C11orf65: variants seen among roughly 807,000 people sequenced by gnomAD.
The protein encoded by C11orf65 is protein MFI.
Under a neutral mutation model 35.3 loss-of-function variants are expected in C11orf65, and 38 were observed. That is an observed-to-expected ratio of 1.08 (90% CI 0.83 to 1.41). The LOEUF is 1.41. Among genes scored for constraint, C11orf65 ranks in the 40% most tolerant of loss-of-function variants. C11orf65 has a pLI of 0.00. For missense variants in C11orf65, 370 were observed against 367.1 expected, an observed-to-expected ratio of 1.01 and a Z score of -0.06; for synonymous variants, 105 against 114.4, an observed-to-expected ratio of 0.92 and a Z score of 0.53.
At chr11:108,459,655 GA>G (rs1379047945) in intron 2 of C11orf65, among the ~76,000 whole-genome samples, 1 of 150,580 alleles carries the variant, frequency 6.6e-6, no homozygotes, top group Non-Finnish European at 1.5e-5. Flanking sequence ...CTTTGTTATG[GA>G]TTAACCTTCT....
intron 6 of C11orf65, among the ~76,000 whole-genome samples, chr11:108,394,493 T>C (rs1421933491): frequency 6.6e-6 from 1 of 152,220 alleles, no homozygotes; most frequent in Non-Finnish European, 1.5e-5. Context: ...AGTTTTAAAT[T>C]CAGCCTCCTT....
intron 2 of C11orf65, among the ~76,000 whole-genome samples, chr11:108,375,103 C>T (rs1319511785): frequency 6.6e-6 from 1 of 152,116 alleles, no homozygotes; most frequent in Non-Finnish European, 1.5e-5. Context: ...TCTAGCAAGG[C>T]AGGCCAACGT....
chr11:108,311,488 G>A (rs1021950271), intron 6 of C11orf65, among the ~76,000 whole-genome samples: 53 of 152,254 alleles, frequency 3.5e-4, no homozygotes, highest in Non-Finnish European at 6.2e-4. Flanking sequence ...TTGTGACCAG[G>A]AGACTGAGAC....
At chr11:108,426,044 C>A (rs1325616711) in intron 3 of C11orf65, among the ~76,000 whole-genome samples, 2 of 152,138 alleles carry the variant, frequency 1.3e-5, no homozygotes, top group African/African-American at 4.8e-5. Flanking sequence ...CAATACCATA[C>A]TGAATGGGCA....
chr11:108,385,994 G>A lies in C11orf65; in HGVS notation c.732-19C>T. The A allele has an allele frequency of 6.2e-7, 1 of 1,602,628 alleles. No homozygotes were observed. The highest frequency in any genetic ancestry group is 8.5e-7 in the Non-Finnish European group (1 of 1,172,124). On this transcript the variant is annotated intron_variant, in intron 7 of 8. Transcript: ENST00000393084. ...AATGTACCTAAGCACATTATATGAGGATTCATTAAATTTAATCGATTCATT... is the reference window on the plus strand; with the variant it reads ...AATGTACCTAAGCACATTATATGAGAATTCATTAAATTTAATCGATTCATT...
At chr11:108,421,850 G>A (rs1338886619) in intron 3 of C11orf65, among the ~76,000 whole-genome samples, 12 of 152,154 alleles carry the variant, frequency 7.9e-5, no homozygotes, top group Non-Finnish European at 1.8e-4. Context: ...AAGTTTAGTA[G>A]CCTTTTTCTC....
chr11:108,329,417 T>C, downstream of C11orf65: 3 of 625,570 alleles, frequency 4.8e-6, no homozygotes, highest in Middle Eastern at 4.4e-4. Flanking sequence ...TTTTTTGTTT[T>C]TTTTTTTGAG....
rs368627124 is a variant in C11orf65, at chr11:108,353,891, T to C, written c.227-18599A>G. On this transcript the variant is annotated intron_variant, in intron 2 of 3. Transcript: ENST00000524755. ...AGGTGTCTTCAGAAGGTAAGTGATATGAAGTAAAGGAGGGAAATAATTTTT... is the reference window on the plus strand; with the variant it reads ...AGGTGTCTTCAGAAGGTAAGTGATACGAAGTAAAGGAGGGAAATAATTTTT... The C allele has an allele frequency of 5.0e-6, 8 of 1,602,268 alleles. No homozygotes were observed. Among genetic ancestry groups the C allele is most frequent in the African/African-American group, 2.7e-5 (2 of 74,562 alleles).
chr11:108,446,943 C>A (rs1309817531), intron 2 of C11orf65, among the ~76,000 whole-genome samples: 1 of 151,880 alleles, frequency 6.6e-6, no homozygotes, highest in East Asian at 1.9e-4. Flanking sequence ...GGAAGATCTG[C>A]CAAGCAAATG....
chr11:108,337,577 T>C (rs1260903747), intron 2 of C11orf65, among the ~76,000 whole-genome samples: 1 of 152,220 alleles, frequency 6.6e-6, no homozygotes, highest in Non-Finnish European at 1.5e-5. Flanking sequence ...ATACCAGTTA[T>C]GTTGATGCTG....
chr11:108,385,143 G>C (rs2091960792), intron 8 of C11orf65, among the ~76,000 whole-genome samples: 1 of 151,902 alleles, frequency 6.6e-6, no homozygotes, highest in Admixed American at 6.6e-5. Context: ...GTGCAATCTT[G>C]GCTCACTGCA....
intron 8 of C11orf65, among the ~76,000 whole-genome samples, chr11:108,383,785 T>G (rs555285819): frequency 6.6e-6 from 1 of 152,296 alleles, no homozygotes; most frequent in South Asian, 2.1e-4. Flanking sequence ...AATTTTCACT[T>G]GCTTTTATGC....
intron 2 of C11orf65, among the ~76,000 whole-genome samples, chr11:108,439,761 G>T (rs552521597): frequency 1.8e-4 from 27 of 152,190 alleles, no homozygotes; most frequent in African/African-American, 6.0e-4. Flanking sequence ...ACCTAAAATA[G>T]GAAAATTCAC....
intron 7 of C11orf65, 83 bp downstream of exon 7, chr11:108,393,125 A>T: frequency 7.1e-7 from 1 of 1,406,920 alleles, no homozygotes; most frequent in Non-Finnish European, 9.6e-7. Context: ...TTGTGGCCCC[A>T]AGATTCAACA....
Position 108,407,948 on chromosome 11 carries a change from A to G in C11orf65, c.175-799T>C, listed in dbSNP as rs9734602. On this transcript the variant is annotated intron_variant, in intron 3 of 8. Coordinates refer to ENST00000393084, the MANE Select transcript of C11orf65 (RefSeq NM_152587.5). Reference sequence around the variant, plus strand: ...CTCTGTCTCAAAAAAAAAAAAAAAAAAAAAGAAAAGAAAAGAAAATATTTT... The same window carrying G: ...CTCTGTCTCAAAAAAAAAAAAAAAAGAAAAGAAAAGAAAAGAAAATATTTT... Among the ~76,000 whole-genome samples, 51 of 114,762 alleles carry G rather than the reference A, an allele frequency of 4.4e-4. 1 individual carries two copies. Among genetic ancestry groups the G allele is most frequent in the East Asian group, 1.7e-3 (7 of 4,238 alleles). 75.3% of individuals were successfully genotyped at this position (114,762 alleles called of 152,430 possible). A position where few individuals can be genotyped will look rare whatever the true frequency, so the allele number is the denominator to read the frequency against.
chr11:108,318,159 T>TG, intron 6 of C11orf65, among the ~76,000 whole-genome samples: 1 of 152,102 alleles, frequency 6.6e-6, no homozygotes, highest in East Asian at 1.9e-4. Flanking sequence ...CTCAGGAGTT[T>TG]GAGACCAGCC....
chr11:108,396,011 G>A (rs2138474916), intron 6 of C11orf65, among the ~76,000 whole-genome samples: 2 of 152,268 alleles, frequency 1.3e-5, no homozygotes, highest in Middle Eastern at 3.4e-3. Context: ...AGCATTCATA[G>A]GCTGACACTG....
intron 2 of C11orf65, among the ~76,000 whole-genome samples, chr11:108,454,613 G>GTTTATTTA (rs546194970): frequency 2.0e-5 from 3 of 151,716 alleles, no homozygotes; most frequent in Non-Finnish European, 2.9e-5. Flanking sequence ...TTACATTTTT[G>GTTTATTTA]TTTATTTATT....
chr11:108,320,797 C>T (rs1006704638), intron 6 of C11orf65, among the ~76,000 whole-genome samples: 6 of 152,308 alleles, frequency 3.9e-5, no homozygotes, highest in African/African-American at 1.4e-4. Flanking sequence ...ATTACTTTGA[C>T]TCCTCAAAAG....
Sources: gnomAD v4.1 joint callset for allele counts (sites outside exome capture counted in the v4.1 genomes callset) on GRCh38, gnomAD v4.1.1 for gene constraint, MANE v1.5 for transcripts, NCBI Gene and HGNC (gene_info 2026-07-23, HGNC 2026-07-21) for gene names.